The following ZMYND11 variants were observed in gnomAD, a reference collection of about 807,000 sequenced individuals.
The protein encoded by ZMYND11 is zinc finger MYND-type containing 11, also known as zinc finger MYND domain-containing protein 11.
A neutral mutation model predicts 84.9 loss-of-function variants in ZMYND11; 9 were observed. The ratio of observed to expected loss-of-function variants is 0.11; its 90% CI spans 0.06 to 0.18. The LOEUF (loss-of-function observed/expected upper bound fraction) is 0.18. Ranked by LOEUF, ZMYND11 falls within the 10% of genes least tolerant of loss-of-function variation. The probability of loss-of-function intolerance (pLI) is 1.00; values close to 1 mark genes in which losing one functional copy is unlikely to be tolerated. For synonymous variants in ZMYND11, 250 were observed against 244.1 expected, an observed-to-expected ratio of 1.02 and a Z score of -0.23; for missense variants, 409 against 761.0, an observed-to-expected ratio of 0.54 and a Z score of 5.44.
In ZMYND11 at chr10:135,731, G is replaced by A. The variant is rs1253768016; in HGVS notation, c.-20+172G>A. On this transcript the variant is annotated intron_variant, in intron 1 of 14. Transcript: ENST00000381604. The surrounding 1 kb of genome is among the most constrained non-coding windows in gnomAD (Gnocchi z 5.6). ...GAGCTCCGAGCTGCCGGGGAGCTTTGTGGATGGCGGGGCGGGCCGGGCCGG... is the reference window on the plus strand; with the variant it reads ...GAGCTCCGAGCTGCCGGGGAGCTTTATGGATGGCGGGGCGGGCCGGGCCGG... Among the ~76,000 whole-genome samples the A allele has an allele frequency of 6.8e-6, 1 of 148,052 alleles. No homozygotes were observed. Among genetic ancestry groups the A allele is most frequent in the Non-Finnish European group, 1.5e-5 (1 of 66,398 alleles).
At chr10:185,601 G>A (rs1340107673) in intron 2 of ZMYND11, among the ~76,000 whole-genome samples, 1 of 151,132 alleles carries the variant, frequency 6.6e-6, no homozygotes, top group Non-Finnish European at 1.5e-5. Flanking sequence ...ATTGCCTGAG[G>A]TCAGGGGTTC....
chr10:242,472 T>C (rs954782622), intron 10 of ZMYND11, among the ~76,000 whole-genome samples: 3 of 152,144 alleles, frequency 2.0e-5, no homozygotes, highest in Non-Finnish European at 2.9e-5. Context: ...TCACAGTTAC[T>C]CTAGTTGCTC....
intron 1 of ZMYND11, among the ~76,000 whole-genome samples, chr10:146,636 A>G (rs1225663324): frequency 6.6e-6 from 1 of 152,098 alleles, no homozygotes; most frequent in African/African-American, 2.4e-5. Context: ...TTGTTTTTGC[A>G]GCTATCATAA....
intron 4 of ZMYND11, 116 bp from the exon 5 acceptor site, chr10:236,722 C>A: frequency 1.2e-6 from 1 of 803,682 alleles, no homozygotes; most frequent in Non-Finnish European, 1.9e-6. Flanking sequence ...GGAAAAAGAG[C>A]ACTTTTAGTA....
At chr10:166,117 A>T (rs1310246617) in intron 1 of ZMYND11, among the ~76,000 whole-genome samples, 1 of 152,168 alleles carries the variant, frequency 6.6e-6, no homozygotes, top group African/African-American at 2.4e-5. Flanking sequence ...CACATGTGTC[A>T]GTAACCTAAA....
At chr10:230,954 A>G (rs143854320) in intron 4 of ZMYND11, among the ~76,000 whole-genome samples, 2 of 152,314 alleles carry the variant, frequency 1.3e-5, no homozygotes, top group Admixed American at 6.5e-5. Context: ...CTAGGGGTCA[A>G]CCTGTGTATG....
At chr10:235,009 T>TGTGTGA (rs1214254104) in intron 4 of ZMYND11, among the ~76,000 whole-genome samples, 1 of 151,552 alleles carries the variant, frequency 6.6e-6, no homozygotes, top group African/African-American at 2.4e-5. Context: ...TGTGTGTGTG[T>TGTGTGA]GAAAAGCACT....
At chr10:223,489 A>G (rs968398674) in intron 4 of ZMYND11, among the ~76,000 whole-genome samples, 3 of 152,048 alleles carry the variant, frequency 2.0e-5, no homozygotes, top group Admixed American at 6.6e-5. Context: ...TTATACTGCT[A>G]TATAATTGTG....
chr10:196,129 T>C (rs1308566307), intron 2 of ZMYND11, among the ~76,000 whole-genome samples: 1 of 152,230 alleles, frequency 6.6e-6, no homozygotes, highest in Non-Finnish European at 1.5e-5. Context: ...ATAATTTAAG[T>C]CAGCTGTTTC....
intron 2 of ZMYND11, among the ~76,000 whole-genome samples, chr10:182,142 A>G (rs1848016003): frequency 6.6e-6 from 1 of 152,226 alleles, no homozygotes; most frequent in African/African-American, 2.4e-5. Flanking sequence ...AGCAGCTATC[A>G]GAATCTCCCA....
intron 4 of ZMYND11, among the ~76,000 whole-genome samples, chr10:226,349 T>C (rs899614093): frequency 1.3e-5 from 2 of 152,156 alleles, no homozygotes; most frequent in African/African-American, 2.4e-5. Flanking sequence ...AGAATAGCTT[T>C]TTAAAAAACT....
rs1189340013 is a variant in ZMYND11 at position 253,228 on chromosome 10, G to A, written c.*758G>A. 4.6e-5 allele frequency: 7 copies of A among 152,566 alleles called. No homozygotes were observed. Among genetic ancestry groups the A allele is most frequent in the Admixed American group, 4.6e-4 (7 of 15,274 alleles). The allele number at this position is 152,566 out of a possible 1,614,324, so 9.5% of individuals were successfully genotyped here. ...CATCTTTGTCCTAACATGAGTGCTT[G>A]TAACAAAATAAACAACAAAAACAAA... is the stretch of plus-strand genomic sequence containing the variant. On this transcript the variant is annotated 3_prime_UTR_variant, in exon 15 of 15. Coordinates refer to ENST00000381604, the MANE Select transcript of ZMYND11 (RefSeq NM_001370100.5).
At chr10:219,751 A>G (rs1350870775) in intron 3 of ZMYND11, among the ~76,000 whole-genome samples, 1 of 152,182 alleles carries the variant, frequency 6.6e-6, no homozygotes, top group Non-Finnish European at 1.5e-5. Context: ...TCAGTATTTT[A>G]AGATTCCAGC....
intron 4 of ZMYND11, among the ~76,000 whole-genome samples, chr10:228,020 T>A (rs759756350): frequency 4.6e-5 from 7 of 152,208 alleles, no homozygotes; most frequent in Non-Finnish European, 1.0e-4. Flanking sequence ...AGGAGAAAGT[T>A]AATTTTAGAA....
At chr10:232,775 C>T (rs1456322516) in intron 4 of ZMYND11, among the ~76,000 whole-genome samples, 2 of 152,214 alleles carry the variant, frequency 1.3e-5, no homozygotes, top group Admixed American at 6.5e-5. Context: ...AAATCATTGA[C>T]GTTTCTAACT....
At chr10:222,918 T>C (rs991056720) in intron 4 of ZMYND11, among the ~76,000 whole-genome samples, 5 of 152,352 alleles carry the variant, frequency 3.3e-5, no homozygotes, top group East Asian at 1.9e-4. Flanking sequence ...TTTGTATTTC[T>C]TATGGTAAGA....
At chr10:155,814 C>A (rs1035964968) in intron 1 of ZMYND11, among the ~76,000 whole-genome samples, 1 of 152,138 alleles carries the variant, frequency 6.6e-6, no homozygotes, top group Non-Finnish European at 1.5e-5. Context: ...TTACCATAAC[C>A]AAAGAGGTCC....
At chr10:201,480 T>C (rs1224210529) in intron 2 of ZMYND11, among the ~76,000 whole-genome samples, 1 of 152,110 alleles carries the variant, frequency 6.6e-6, no homozygotes, top group Non-Finnish European at 1.5e-5. Flanking sequence ...GATTGAATCA[T>C]TGTTAGAAGG....
intron 3 of ZMYND11, chr10:218,460 T>A: frequency 2.6e-6 from 1 of 382,942 alleles, no homozygotes; most frequent in Non-Finnish European, 5.2e-6. Context: ...GAAAGGCCTA[T>A]AGTATGCAGC....
Sources: allele counts gnomAD v4.1 joint callset (sites outside exome capture counted in the v4.1 genomes callset), GRCh38; gene constraint gnomAD v4.1.1; non-coding constraint Gnocchi (gnomAD v3.1); transcripts MANE v1.5; gene names NCBI Gene and HGNC (gene_info 2026-07-23, HGNC 2026-07-21).